Variants in ADCY8 observed in about 807,000 individuals in gnomAD.
The protein encoded by ADCY8 is adenylate cyclase type 8.
ADCY8 carries 51 observed loss-of-function variants against 119.7 expected under a neutral mutation model. That is an observed-to-expected ratio of 0.43 (90% CI 0.34 to 0.54). The LOEUF is 0.54. Ranked by LOEUF, ADCY8 falls within the 20% of genes least tolerant of loss-of-function variation. The pLI is 0.03. For synonymous variants in ADCY8, 665 were observed against 651.0 expected, an observed-to-expected ratio of 1.02 and a Z score of -0.33; for missense variants, 1,383 against 1,598.8, an observed-to-expected ratio of 0.87 and a Z score of 2.30.
intron 6 of ADCY8, among the ~76,000 whole-genome samples, chr8:130,905,753 G>C (rs527333275): frequency 6.6e-6 from 1 of 152,280 alleles, no homozygotes; most frequent in South Asian, 2.1e-4. Context: ...CCAGCTACTT[G>C]AGAGGCTGAG....
chr8:130,834,182 A>C (rs1816919161), intron 12 of ADCY8, among the ~76,000 whole-genome samples: 1 of 152,230 alleles, frequency 6.6e-6, no homozygotes, highest in Non-Finnish European at 1.5e-5. Flanking sequence ...TTTGTTAATT[A>C]AAAACAAAAA....
At chr8:130,920,016 G>A (rs1820251529) in intron 5 of ADCY8, among the ~76,000 whole-genome samples, 1 of 151,942 alleles carries the variant, frequency 6.6e-6, no homozygotes, top group African/African-American at 2.4e-5. Flanking sequence ...AGTGGCATTT[G>A]CCTATAATCC....
At chr8:131,039,270 C>T in intron 1 of ADCY8, 104 bp downstream of exon 1, 2 of 1,482,292 alleles carry the variant, frequency 1.3e-6, no homozygotes, top group East Asian at 2.3e-5. Flanking sequence ...AGACTGAAGG[C>T]GGAGACTTAA....
intron 2 of ADCY8, among the ~76,000 whole-genome samples, chr8:130,974,309 C>T (rs75423591): frequency 0.012 from 1,829 of 152,300 alleles, 45 homozygotes; most frequent in African/African-American, 0.042. Flanking sequence ...GCTAATGGCT[C>T]TAGCTAGAGA....
intron 3 of ADCY8, among the ~76,000 whole-genome samples, chr8:130,950,941 G>A (rs1193758953): frequency 2.6e-5 from 4 of 152,112 alleles, no homozygotes; most frequent in Admixed American, 6.5e-5. Flanking sequence ...CTCGTGATCC[G>A]CCCACCTTGG....
Position 130,981,534 on chromosome 8 carries a change from GC to G in ADCY8, c.1110+8858del, listed in dbSNP as rs566736605. On this transcript the variant is annotated intron_variant, in intron 2 of 17. Coordinates refer to ENST00000286355, the MANE Select transcript of ADCY8 (RefSeq NM_001115.3). ...TCTGCACAGACTTTCAAGATAAAAAGCCCCCACAGAGTTCTTCAGTGGCTCC... is the reference window on the plus strand; with the variant it reads ...TCTGCACAGACTTTCAAGATAAAAAGCCCCACAGAGTTCTTCAGTGGCTCC... 7.0e-3 allele frequency among the ~76,000 whole-genome samples: 1,067 copies of G among 152,150 alleles called. 17 individuals carry two copies. The highest frequency in any genetic ancestry group is 0.024 in the African/African-American group (989 of 41,502).
At chr8:130,971,556 C>T (rs989193485) in intron 2 of ADCY8, among the ~76,000 whole-genome samples, 1 of 152,030 alleles carries the variant, frequency 6.6e-6, no homozygotes, top group Non-Finnish European at 1.5e-5. Flanking sequence ...ATGCAATTTA[C>T]TGAAGAAAAG....
intron 5 of ADCY8, among the ~76,000 whole-genome samples, chr8:130,917,556 T>C (rs1820165889): frequency 6.6e-6 from 1 of 152,200 alleles, no homozygotes. Context: ...TTCTTGAAGA[T>C]GAAAGCGTTG....
chr8:130,933,062 T>A (rs185732338), intron 5 of ADCY8, among the ~76,000 whole-genome samples: 2 of 152,132 alleles, frequency 1.3e-5, no homozygotes, highest in Non-Finnish European at 2.9e-5. Context: ...TGGGGATTGA[T>A]GGTATCCTAA....
At chr8:130,808,522 A>G (rs571969604) in intron 14 of ADCY8, among the ~76,000 whole-genome samples, 38 of 152,318 alleles carry the variant, frequency 2.5e-4, no homozygotes, top group African/African-American at 8.4e-4. Context: ...GTAGCACAAC[A>G]AGGGGCATGA....
intron 11 of ADCY8, among the ~76,000 whole-genome samples, chr8:130,845,448 A>G (rs1389157812): frequency 6.6e-6 from 1 of 152,196 alleles, no homozygotes; most frequent in Non-Finnish European, 1.5e-5. Flanking sequence ...TGAGGTCCAG[A>G]GAGGGTAAGA....
chr8:130,957,129 G>A (rs939408262), intron 2 of ADCY8, among the ~76,000 whole-genome samples: 14 of 152,182 alleles, frequency 9.2e-5, no homozygotes, highest in Admixed American at 7.9e-4. Flanking sequence ...GAAAAGGTGG[G>A]AAAGTTTGGA....
At chr8:131,009,477 C>T (rs1045179170) in intron 1 of ADCY8, among the ~76,000 whole-genome samples, 2 of 152,190 alleles carry the variant, frequency 1.3e-5, no homozygotes, top group African/African-American at 4.8e-5. Flanking sequence ...TGGCATTTCC[C>T]CTGCTGGCAC....
intron 12 of ADCY8, among the ~76,000 whole-genome samples, chr8:130,833,047 T>C (rs900726260): frequency 2.6e-5 from 4 of 152,246 alleles, no homozygotes; most frequent in Non-Finnish European, 4.4e-5. Context: ...ATTTTGTTCA[T>C]ACATATCTTT....
intron 13 of ADCY8, among the ~76,000 whole-genome samples, chr8:130,814,506 A>G (rs1373908737): frequency 6.6e-6 from 1 of 152,096 alleles, no homozygotes; most frequent in Non-Finnish European, 1.5e-5. Flanking sequence ...CCTCTACTAG[A>G]CTGTCAGTGT....
At chr8:130,855,491 T>C (rs1817699233) in intron 9 of ADCY8, among the ~76,000 whole-genome samples, 1 of 152,048 alleles carries the variant, frequency 6.6e-6, no homozygotes, top group Non-Finnish European at 1.5e-5. Flanking sequence ...AGTTGGAGAC[T>C]CCTTATGACT....
intron 14 of ADCY8, among the ~76,000 whole-genome samples, chr8:130,806,096 G>GGAA (rs1395995573): frequency 6.6e-6 from 1 of 152,180 alleles, no homozygotes; most frequent in African/African-American, 2.4e-5. Context: ...CAGGAACGTG[G>GGAA]GAAGAGAGGA....
At chr8:130,788,261 T>C (rs1213319759) in intron 15 of ADCY8, among the ~76,000 whole-genome samples, 2 of 152,178 alleles carry the variant, frequency 1.3e-5, no homozygotes, top group Non-Finnish European at 2.9e-5. Context: ...AATGGATGAG[T>C]AAATTCAAAA....
At chr8:130,896,783 C>A (rs1819405215) in intron 7 of ADCY8, among the ~76,000 whole-genome samples, 1 of 152,112 alleles carries the variant, frequency 6.6e-6, no homozygotes, top group Non-Finnish European at 1.5e-5. Context: ...ATAAGTGTAG[C>A]TGTTACCCTA....
Sources: gnomAD v4.1 joint callset for allele counts (sites outside exome capture counted in the v4.1 genomes callset) on GRCh38, gnomAD v4.1.1 for gene constraint, MANE v1.5 for transcripts, NCBI Gene and HGNC (gene_info 2026-07-23, HGNC 2026-07-21) for gene names.